The following ADAMTS2 variants were observed in gnomAD, a reference collection of about 807,000 sequenced individuals.
The protein encoded by ADAMTS2 is A disintegrin and metalloproteinase with thrombospondin motifs 2.
ADAMTS2 carries 50 observed loss-of-function variants against 123.0 expected under a neutral mutation model. The ratio of observed to expected loss-of-function variants is 0.41; its 90% CI spans 0.32 to 0.51. The LOEUF is 0.51. Ranked by LOEUF, ADAMTS2 falls within the 20% of genes least tolerant of loss-of-function variation. ADAMTS2 has a pLI of 0.35. For missense variants in ADAMTS2, 1,494 were observed against 1,705.2 expected (o/e 0.88, Z 2.18); for synonymous variants, 678 against 695.4 (o/e 0.98, Z 0.39).
chr5:179,318,296 T>G (rs528794825), intron 2 of ADAMTS2, among the ~76,000 whole-genome samples: 1 of 152,334 alleles, frequency 6.6e-6, no homozygotes, highest in East Asian at 1.9e-4. Context: ...ATTAATTAAA[T>G]GCGCTGCCGC....
At position 179,217,387 on chromosome 5, in the gene ADAMTS2, C is replaced by T. The variant is rs188628823; in HGVS notation, c.689-9672G>A. ...ACGGTTTGATCACCTGAAATGGTTGCTCACTGCAGGAGAAAATCAGAAGGA... is the reference window on the plus strand; with the variant it reads ...ACGGTTTGATCACCTGAAATGGTTGTTCACTGCAGGAGAAAATCAGAAGGA... On this transcript the variant is annotated intron_variant, in intron 3 of 21. Coordinates refer to ENST00000251582, the MANE Select transcript of ADAMTS2 (RefSeq NM_014244.5). Among the ~76,000 whole-genome samples, 20 of 152,298 alleles carry T rather than the reference C, an allele frequency of 1.3e-4. No homozygotes were observed. The East Asian group carries it at 3.5e-3, about 26-fold the overall frequency.
chr5:179,122,553 AAGAGCC>A lies in ADAMTS2; in HGVS notation c.3088+85_3088+90del, dbSNP rs1216457688. The A allele has an allele frequency of 2.9e-5, 43 of 1,507,438 alleles. No homozygotes were observed. The African/African-American group carries it at 5.8e-4, about 20-fold the overall frequency. 93.4% of individuals were successfully genotyped at this position (1,507,438 alleles called of 1,614,324 possible). A position where few individuals can be genotyped will look rare whatever the true frequency, so the allele number is the denominator to read the frequency against. ...ATGTTGAGTCCAGCTACTCTCCGGG[AAGAGCC>A]AGATTTGCCTGAACCAAGCCTCTGA... On this transcript the variant is annotated intron_variant, in intron 20 of 21. Transcript: ENST00000251582.
chr5:179,292,478 G>C (rs952473314), intron 2 of ADAMTS2, among the ~76,000 whole-genome samples: 5 of 152,014 alleles, frequency 3.3e-5, no homozygotes, highest in Admixed American at 6.6e-5. Context: ...AAATGTGTTC[G>C]TGCTTCTCCT....
chr5:179,207,471 A>ACC (rs1561805295), intron 4 of ADAMTS2, 42 bp downstream of exon 4: 1 of 1,026,470 alleles, frequency 9.7e-7, no homozygotes, highest in South Asian at 1.3e-5. Context: ...CCCCTGGTTG[A>ACC]CCCTCCCCGC....
rs1211696660 is a variant in ADAMTS2, at chr5:179,188,391, G to A, written c.892-7236C>T. On this transcript the variant is annotated intron_variant, in intron 4 of 21. Transcript: ENST00000251582. This position sits in a 1 kb window ranked among gnomAD's most constrained non-coding sequence, Gnocchi z 5.1. ...CACCAGGATGGAGGCAGAGAAGAGA[G>A]TGCAGCCAGGAGCAGGGGACAGAGG... Among the ~76,000 whole-genome samples, 1 of 152,206 alleles carries A rather than the reference G, an allele frequency of 6.6e-6. No homozygotes were observed. Among genetic ancestry groups the A allele is most frequent in the Non-Finnish European group, 1.5e-5 (1 of 68,038 alleles).
At chr5:179,217,917 G>A (rs188654372) in intron 3 of ADAMTS2, among the ~76,000 whole-genome samples, 73 of 127,090 alleles carry the variant, frequency 5.7e-4, no homozygotes, top group South Asian at 2.9e-3. Flanking sequence ...GAGGGCAGAC[G>A]GCACACTCAC....
chr5:179,214,883 TTC>T (rs1254390015), intron 3 of ADAMTS2, among the ~76,000 whole-genome samples: 2 of 148,494 alleles, frequency 1.3e-5, no homozygotes, highest in African/African-American at 4.9e-5. Context: ...GTTAAAATTA[TTC>T]TCTGTCAAAT....
intron 10 of ADAMTS2, among the ~76,000 whole-genome samples, chr5:179,143,014 T>C (rs746415968): frequency 6.6e-6 from 1 of 152,140 alleles, no homozygotes; most frequent in Non-Finnish European, 1.5e-5. Flanking sequence ...GACAAAGATT[T>C]CAAAGCAGCT....
intron 3 of ADAMTS2, among the ~76,000 whole-genome samples, chr5:179,249,929 CA>C (rs1048627825): frequency 2.2e-4 from 33 of 152,116 alleles, no homozygotes; most frequent in African/African-American, 7.2e-4. Flanking sequence ...AATATAGGTG[CA>C]AAAATCCTCA....
intron 13 of ADAMTS2, among the ~76,000 whole-genome samples, chr5:179,134,807 CCG>C: frequency 7.9e-6 from 1 of 126,398 alleles, no homozygotes; most frequent in Admixed American, 7.6e-5. Flanking sequence ...CCCCCAGCTC[CCG>C]GCTCCAGCCC....
chr5:179,154,233 C>A (rs185402221), intron 7 of ADAMTS2, 41 bp from the exon 8 acceptor site: 1 of 1,537,118 alleles, frequency 6.5e-7, no homozygotes, highest in South Asian at 1.2e-5. Context: ...CACTGGCACA[C>A]GGGTCTGCCA....
Position 179,155,146 on chromosome 5 carries a change from G to A in ADAMTS2, c.1133-227C>T, listed in dbSNP as rs534407798. Among the ~76,000 whole-genome samples, 2 of 152,356 alleles carry A rather than the reference G, an allele frequency of 1.3e-5. No homozygotes were observed. The highest frequency in any genetic ancestry group is 4.1e-4 in the South Asian group (2 of 4,834). ...AGCCCGTCACCACACAAGCCCCGTGGCCGTTCTGCCTGTAACAGCCACACT... is the reference window on the plus strand; with the variant it reads ...AGCCCGTCACCACACAAGCCCCGTGACCGTTCTGCCTGTAACAGCCACACT... On this transcript the variant is annotated intron_variant, in intron 6 of 21. Coordinates refer to ENST00000251582, the MANE Select transcript of ADAMTS2 (RefSeq NM_014244.5). The surrounding 1 kb of genome is among the most constrained non-coding windows in gnomAD (Gnocchi z 5.1).
chr5:179,278,186 A>ACCCCCCCGAGACCAAAGGCTGAC (rs147956715), intron 2 of ADAMTS2, among the ~76,000 whole-genome samples: 1 of 105,734 alleles, frequency 9.5e-6, no homozygotes, highest in Non-Finnish European at 2.0e-5. Context: ...CCAAAGGCTG[A>ACCCCCCCGAGACCAAAGGCTGAC]CCCCCCCAAG....
intron 1 of ADAMTS2, among the ~76,000 whole-genome samples, 167 bp from the exon 2 acceptor site, chr5:179,344,328 C>A (rs530271024): frequency 2.2e-4 from 34 of 152,336 alleles, no homozygotes; most frequent in African/African-American, 7.9e-4. Context: ...TTCCTGCAAC[C>A]GGGAAGGGGC....
intron 2 of ADAMTS2, among the ~76,000 whole-genome samples, chr5:179,286,804 G>GA (rs1199638952): frequency 6.6e-6 from 1 of 152,176 alleles, no homozygotes; most frequent in African/African-American, 2.4e-5. Context: ...GGTGTGGGCA[G>GA]AGGCGGTTTC....
rs1011515874 is a variant in ADAMTS2, at chr5:179,175,528, A to G, written c.975+5544T>C. Among the ~76,000 whole-genome samples the G allele has an allele frequency of 6.6e-6, 1 of 152,118 alleles. No homozygotes were observed. The highest frequency in any genetic ancestry group is 2.4e-5 in the African/African-American group (1 of 41,430). On this transcript the variant is annotated intron_variant, in intron 5 of 21. Transcript: ENST00000251582. This position sits in a 1 kb window ranked among gnomAD's most constrained non-coding sequence, Gnocchi z 4.1. ...TTGTCAGGACTATTCCAGGTATTCT[A>G]CATTTTTGGTTACTACCATAATGGA...
At position 179,189,510 on chromosome 5, in the gene ADAMTS2, GTTTTTTTTTTT is replaced by G. The variant is rs146295427; in HGVS notation, c.892-8366_892-8356del. ...CTACAGGCGCCCGCCAGTGCGCCTG[GTTTTTTTTTTT>G]TTTTTTTTTTTTTTTTTAGTAGAGG... On this transcript the variant is annotated intron_variant, in intron 4 of 21. Transcript: ENST00000251582. The surrounding 1 kb of genome is among the most constrained non-coding windows in gnomAD (Gnocchi z 4.2). Among the ~76,000 whole-genome samples the G allele has an allele frequency of 7.6e-5, 6 of 78,954 alleles. No individual in the cohort carries two copies. Among genetic ancestry groups the G allele is most frequent in the South Asian group, 4.6e-4 (1 of 2,196 alleles). 51.8% of individuals were successfully genotyped at this position (78,954 alleles called of 152,430 possible).
chr5:179,227,393 C>T (rs1479324810), intron 3 of ADAMTS2, among the ~76,000 whole-genome samples: 2 of 152,086 alleles, frequency 1.3e-5, no homozygotes, highest in African/African-American at 4.8e-5. Context: ...TCCCTGACGA[C>T]TCTACACTTG....
Position 179,110,883 on chromosome 5 carries a change from T to C in ADAMTS2, c.*2984A>G, listed in dbSNP as rs1762556019. On this transcript the variant is annotated 3_prime_UTR_variant, in exon 22 of 22. Transcript: ENST00000251582. ...TGCAAAAACACAGACATTTTAACTT[T>C]AATAAGTTATAAAAGTAAGGAGTCA... 6.6e-6 allele frequency: 1 copy of C among 152,338 alleles called. No individual in the cohort carries two copies. The highest frequency in any genetic ancestry group is 2.4e-5 in the African/African-American group (1 of 41,568). The allele number at this position is 152,338 out of a possible 1,614,324, so 9.4% of individuals were successfully genotyped here. A position where few individuals can be genotyped will look rare whatever the true frequency, so the allele number is the denominator to read the frequency against.
Sources: gnomAD v4.1 joint callset for allele counts (sites outside exome capture counted in the v4.1 genomes callset) on GRCh38, gnomAD v4.1.1 for gene constraint, Gnocchi (gnomAD v3.1) non-coding constraint, MANE v1.5 for transcripts, NCBI Gene and HGNC (gene_info 2026-07-23, HGNC 2026-07-21) for gene names.